Variants in EYS observed in about 807,000 individuals in gnomAD.
The protein encoded by EYS is protein eyes shut homolog.
EYS carries 250 observed loss-of-function variants against 282.1 expected under a neutral mutation model. The ratio of observed to expected loss-of-function variants is 0.89; its 90% CI spans 0.80 to 0.98. The LOEUF is 0.98. Among genes scored for constraint, EYS ranks in the 50% least tolerant of loss-of-function variants. The probability of loss-of-function intolerance (pLI) is 0.00; values close to 1 mark genes in which losing one functional copy is unlikely to be tolerated. For synonymous variants in EYS, 1,355 were observed against 1,282.9 expected, an observed-to-expected ratio of 1.06 and a Z score of -1.20; for missense variants, 4,016 against 3,709.0, an observed-to-expected ratio of 1.08 and a Z score of -2.15.
intron 26 of EYS, among the ~76,000 whole-genome samples, chr6:64,496,153 G>A (rs532055790): frequency 1.3e-5 from 2 of 151,776 alleles, no homozygotes; most frequent in African/African-American, 2.4e-5. Context: ...TTTAAATAAA[G>A]AGGAAATTTC....
At chr6:64,043,336 T>C (rs1770474623) in intron 33 of EYS, among the ~76,000 whole-genome samples, 1 of 152,198 alleles carries the variant, frequency 6.6e-6, no homozygotes, top group Non-Finnish European at 1.5e-5. Flanking sequence ...TAAGCATCAT[T>C]CTGGAATGTT....
chr6:64,844,139 A>C (rs1336421323), intron 19 of EYS, among the ~76,000 whole-genome samples: 3 of 152,026 alleles, frequency 2.0e-5, no homozygotes, highest in African/African-American at 7.2e-5. Flanking sequence ...CTTTCTTCCA[A>C]GTCGCTGGTA....
In EYS at chr6:64,980,170, T is replaced by TA. The variant is rs532813309; in HGVS notation, c.2259+17411dup. The stretch of plus-strand genomic sequence containing the variant: ...TGCAAGTTTTTTCTTTCCTTCTCTA[T>TA]AAAAAAAATGGCAATGCAAATTTTA... On this transcript the variant is annotated intron_variant, in intron 14 of 42. Coordinates refer to ENST00000503581, the MANE Select transcript of EYS (RefSeq NM_001142800.2). Among the ~76,000 whole-genome samples the TA allele has an allele frequency of 5.7e-4, 86 of 151,436 alleles. 1 individual carries two copies. The South Asian group carries it at 7.1e-3, about 12-fold the overall frequency.
chr6:64,073,762 A>ATG (rs886472090), intron 32 of EYS, among the ~76,000 whole-genome samples: 147 of 151,190 alleles, frequency 9.7e-4, no homozygotes, highest in African/African-American at 2.6e-3. Flanking sequence ...CTTTATATAT[A>ATG]TGTGTGTGTG....
At chr6:64,371,198 G>T (rs1772358039) in intron 29 of EYS, among the ~76,000 whole-genome samples, 1 of 151,994 alleles carries the variant, frequency 6.6e-6, no homozygotes, top group African/African-American at 2.4e-5. Flanking sequence ...ATATCCCAGA[G>T]ATTCTGGAAT....
At position 63,946,833 on chromosome 6, in the gene EYS, C is replaced by T. The variant is rs559285250; in HGVS notation, c.7055+37550G>A. Among the ~76,000 whole-genome samples, 4 of 148,240 alleles carry T rather than the reference C, an allele frequency of 2.7e-5. No homozygotes were observed. The South Asian group carries it at 8.5e-4, about 32-fold the overall frequency. Reference sequence around the variant, plus strand: ...TTGAAGCACCAGATCTTTAAGGATTCTGGATAAAAATGTCTGTGATGAAAA... The same window carrying T: ...TTGAAGCACCAGATCTTTAAGGATTTTGGATAAAAATGTCTGTGATGAAAA... On this transcript the variant is annotated intron_variant, in intron 35 of 42. Transcript: ENST00000503581.
At chr6:64,800,859 T>C (rs1038549771) in intron 22 of EYS, among the ~76,000 whole-genome samples, 3 of 151,990 alleles carry the variant, frequency 2.0e-5, no homozygotes, top group Non-Finnish European at 4.4e-5. Context: ...TTTTTGAAAA[T>C]AATGAACAAA....
intron 22 of EYS, among the ~76,000 whole-genome samples, chr6:64,673,299 A>C (rs1769531661): frequency 6.6e-6 from 1 of 152,122 alleles, no homozygotes; most frequent in South Asian, 2.1e-4. Flanking sequence ...GACATATATG[A>C]GATGGAAGAT....
chr6:65,692,129 A>G (rs1769267849), intron 1 of EYS, among the ~76,000 whole-genome samples: 1 of 150,416 alleles, frequency 6.6e-6, no homozygotes, highest in South Asian at 2.1e-4. Flanking sequence ...TTTTAGGTGG[A>G]ACTGGAGGCC....
At chr6:63,974,108 C>A (rs1312244190) in intron 35 of EYS, among the ~76,000 whole-genome samples, 2 of 151,968 alleles carry the variant, frequency 1.3e-5, no homozygotes, top group African/African-American at 2.4e-5. Context: ...CATTTTGTTC[C>A]ACATTTAACT....
At chr6:64,036,038 C>G (rs545115555) in intron 33 of EYS, among the ~76,000 whole-genome samples, 2 of 152,200 alleles carry the variant, frequency 1.3e-5, no homozygotes, top group Non-Finnish European at 2.9e-5. Context: ...TTCTGATTTA[C>G]ACTTGTTCTT....
Position 64,625,827 on chromosome 6 carries a change from T to TA in EYS, c.3568+293dup, listed in dbSNP as rs1767590955. On this transcript the variant is annotated intron_variant, in intron 23 of 42. Transcript: ENST00000503581. ...CTTGCTGTGTGCCAGGCATAATTGA[T>TA]ACAAAGATCAGAAGTATGAGGCTTA... 3.3e-5 allele frequency among the ~76,000 whole-genome samples: 5 copies of TA among 152,294 alleles called. No homozygotes were observed. The South Asian group carries it at 1.0e-3, about 32-fold the overall frequency.
intron 2 of EYS, among the ~76,000 whole-genome samples, chr6:65,614,907 C>T (rs1223699057): frequency 6.6e-6 from 1 of 151,950 alleles, no homozygotes; most frequent in Admixed American, 6.6e-5. Flanking sequence ...CACATACATG[C>T]ATGTTTGTGT....
At chr6:65,060,362 C>T (rs1773533276) in intron 12 of EYS, among the ~76,000 whole-genome samples, 1 of 151,786 alleles carries the variant, frequency 6.6e-6, no homozygotes, top group African/African-American at 2.4e-5. Flanking sequence ...CTTGACAGTC[C>T]AAGATGATTC....
chr6:64,373,188 G>C (rs1372919465), intron 29 of EYS, among the ~76,000 whole-genome samples: 1 of 152,152 alleles, frequency 6.6e-6, no homozygotes, highest in African/African-American at 2.4e-5. Context: ...TATTTGTGGG[G>C]ATTATGTTCT....
At chr6:65,631,135 T>C (rs2149808113) in intron 2 of EYS, among the ~76,000 whole-genome samples, 1 of 152,308 alleles carries the variant, frequency 6.6e-6, no homozygotes, top group African/African-American at 2.4e-5. Flanking sequence ...GGGAGACCCC[T>C]GTAAAAAAGA....
chr6:64,998,160 T>C (rs1486545563), intron 13 of EYS, among the ~76,000 whole-genome samples: 1 of 152,230 alleles, frequency 6.6e-6, no homozygotes, highest in East Asian at 1.9e-4. Context: ...GATCTCAAAG[T>C]TGATAATGAG....
intron 5 of EYS, among the ~76,000 whole-genome samples, chr6:65,417,293 T>C (rs559897856): frequency 6.6e-6 from 1 of 152,078 alleles, no homozygotes; most frequent in South Asian, 2.1e-4. Context: ...CAAAAACACA[T>C]TGAGCCTAAT....
intron 35 of EYS, among the ~76,000 whole-genome samples, chr6:63,908,009 A>C (rs12215183): frequency 0.064 from 1,145 of 17,810 alleles, 20 homozygotes; most frequent in African/African-American, 0.2. Context: ...CACACACACA[A>C]ACGTATATAT....
Sources: gnomAD v4.1 joint callset for allele counts (sites outside exome capture counted in the v4.1 genomes callset) on GRCh38, gnomAD v4.1.1 for gene constraint, MANE v1.5 for transcripts, NCBI Gene and HGNC (gene_info 2026-07-23, HGNC 2026-07-21) for gene names.